FGF14: variants seen among roughly 807,000 people sequenced by gnomAD.
FGF14 encodes the protein fibroblast growth factor 14.
FGF14 carries 5 observed loss-of-function variants against 25.5 expected under a neutral mutation model. The observed-to-expected ratio is 0.20, with a 90% confidence interval of 0.10 to 0.41. The LOEUF (loss-of-function observed/expected upper bound fraction) is 0.41, where lower values mean the gene tolerates loss of function less well. Ranked by LOEUF, FGF14 falls within the 10% of genes least tolerant of loss-of-function variation. The pLI, the probability that FGF14 is intolerant of heterozygous loss-of-function variation, is 1.00. For missense variants in FGF14, 222 were observed against 320.1 expected (o/e 0.69, Z 2.34); for synonymous variants, 138 against 118.3 (o/e 1.17, Z -1.08).
intron 3 of FGF14, among the ~76,000 whole-genome samples, chr13:101,825,769 G>A (rs923321905): frequency 1.3e-5 from 2 of 152,128 alleles, no homozygotes; most frequent in African/African-American, 4.8e-5. Flanking sequence ...AGATTCAAGT[G>A]TCTCAAGCTA....
intron 1 of FGF14, among the ~76,000 whole-genome samples, chr13:101,889,240 A>G (rs1171229256): frequency 6.6e-6 from 1 of 152,220 alleles, no homozygotes; most frequent in African/African-American, 2.4e-5. Flanking sequence ...GCCATTTAAA[A>G]AAAATAAAGT....
intron 1 of FGF14, among the ~76,000 whole-genome samples, chr13:102,379,210 G>C (rs559185381): frequency 2.6e-5 from 4 of 152,146 alleles, no homozygotes; most frequent in Admixed American, 2.0e-4. Context: ...GTTTGGGCTA[G>C]AGATATCTAA....
chr13:102,085,913 G>A (rs2043872520), intron 1 of FGF14, among the ~76,000 whole-genome samples: 1 of 151,862 alleles, frequency 6.6e-6, no homozygotes, highest in Admixed American at 6.5e-5. Context: ...ACTCCAGGAA[G>A]TTTGTTTAAG....
At chr13:102,115,712 G>A (rs1173682262) in intron 1 of FGF14, among the ~76,000 whole-genome samples, 4 of 152,122 alleles carry the variant, frequency 2.6e-5, no homozygotes, top group Non-Finnish European at 5.9e-5. Flanking sequence ...TGGGTTGGAA[G>A]GCTACCTATC....
At chr13:102,110,571 C>G (rs2045173128) in intron 1 of FGF14, among the ~76,000 whole-genome samples, 1 of 152,144 alleles carries the variant, frequency 6.6e-6, no homozygotes, top group Admixed American at 6.5e-5. Context: ...TCCAACAGAA[C>G]AACAGAACCA....
intron 3 of FGF14, among the ~76,000 whole-genome samples, chr13:101,839,169 C>T (rs915310629): frequency 2.6e-5 from 4 of 151,976 alleles, no homozygotes; most frequent in African/African-American, 4.8e-5. Context: ...CCCATTTCAC[C>T]GCACTGTTCC....
chr13:102,092,053 T>G (rs1440458204), intron 1 of FGF14, among the ~76,000 whole-genome samples: 2 of 152,158 alleles, frequency 1.3e-5, no homozygotes, highest in Non-Finnish European at 2.9e-5. Flanking sequence ...CTGACTGATG[T>G]GGGGATGACA....
chr13:101,859,365 GTTAAC>G (rs1319689013), intron 3 of FGF14, among the ~76,000 whole-genome samples: 2 of 152,018 alleles, frequency 1.3e-5, no homozygotes, highest in African/African-American at 2.4e-5. Context: ...TCCTTCAATG[GTTAAC>G]TTAACTGTTG....
In FGF14 at chr13:102,007,660, C is replaced by A. The variant is rs559541703; in HGVS notation, c.209-132364G>T. On this transcript the variant is annotated intron_variant, in intron 1 of 4. Transcript: ENST00000376131. ...TTCATCAAACTCTTTATATTAATTG[C>A]CAAGGAGCTTATCCCTGTGAGAGCT... Among the ~76,000 whole-genome samples, 8 of 152,224 alleles carry A rather than the reference C, an allele frequency of 5.3e-5. No homozygotes were observed. In the South Asian group the frequency reaches 1.5e-3, roughly 28 times the overall value.
At chr13:101,771,757 C>T (rs2038787433) in intron 3 of FGF14, among the ~76,000 whole-genome samples, 1 of 151,964 alleles carries the variant, frequency 6.6e-6, no homozygotes, top group Non-Finnish European at 1.5e-5. Flanking sequence ...TCTAGGGATT[C>T]TGCATACTTG....
chr13:102,051,835 C>A (rs1242038547), intron 1 of FGF14, among the ~76,000 whole-genome samples: 1 of 152,096 alleles, frequency 6.6e-6, no homozygotes, highest in Admixed American at 6.6e-5. Context: ...ACATACACAT[C>A]AATGTCAATA....
At chr13:102,269,311 G>C (rs1334335596) in intron 1 of FGF14, among the ~76,000 whole-genome samples, 1 of 152,204 alleles carries the variant, frequency 6.6e-6, no homozygotes, top group Non-Finnish European at 1.5e-5. Flanking sequence ...CTCTGAAAGT[G>C]TCTGTCAGCA....
At chr13:102,000,135 A>G (rs1594946975) in intron 1 of FGF14, among the ~76,000 whole-genome samples, 2 of 152,090 alleles carry the variant, frequency 1.3e-5, no homozygotes, top group Non-Finnish European at 2.9e-5. Context: ...CTAACACGGT[A>G]AAACCCCGTC....
intron 1 of FGF14, among the ~76,000 whole-genome samples, chr13:102,328,976 G>A (rs1029070627): frequency 1.3e-5 from 2 of 152,102 alleles, no homozygotes; most frequent in African/African-American, 4.8e-5. Context: ...TACAGCCTAA[G>A]TTTATTTTCC....
chr13:101,794,045 G>A (rs1404405213), intron 3 of FGF14, among the ~76,000 whole-genome samples: 1 of 152,044 alleles, frequency 6.6e-6, no homozygotes, highest in South Asian at 2.1e-4. Flanking sequence ...AATTCAAGCA[G>A]TTATGTCCTC....
At chr13:101,756,103 T>C (rs1364027927) in intron 3 of FGF14, among the ~76,000 whole-genome samples, 1 of 152,180 alleles carries the variant, frequency 6.6e-6, no homozygotes, top group African/African-American at 2.4e-5. Context: ...AAGAAAGGTT[T>C]CAATTCAGAC....
At chr13:101,744,520 C>T (rs1228924473) in intron 3 of FGF14, among the ~76,000 whole-genome samples, 1 of 151,982 alleles carries the variant, frequency 6.6e-6, no homozygotes, top group Admixed American at 6.6e-5. Flanking sequence ...AGTGAGTCTC[C>T]AGTGTCCAGA....
intron 1 of FGF14, among the ~76,000 whole-genome samples, chr13:102,201,934 G>A (rs1281535981): frequency 1.3e-5 from 2 of 152,094 alleles, no homozygotes; most frequent in Admixed American, 6.5e-5. Flanking sequence ...TTGGATGTGG[G>A]GCCTGGTGGG....
At chr13:101,938,883 G>A (rs963487345) in intron 1 of FGF14, among the ~76,000 whole-genome samples, 9 of 152,220 alleles carry the variant, frequency 5.9e-5, no homozygotes, top group African/African-American at 2.2e-4. Flanking sequence ...ATTAAGGAGA[G>A]TAGTTCTTCA....
Sources: gnomAD v4.1 joint callset for allele counts (sites outside exome capture counted in the v4.1 genomes callset) on GRCh38, gnomAD v4.1.1 for gene constraint, MANE v1.5 for transcripts, NCBI Gene and HGNC (gene_info 2026-07-23, HGNC 2026-07-21) for gene names.